Variants in DPP6 observed in about 807,000 individuals in gnomAD.
DPP6 encodes A-type potassium channel modulatory protein DPP6.
In DPP6, 69 loss-of-function variants were observed where a neutral mutation model predicts 122.6. The observed-to-expected ratio is 0.56, with a 90% confidence interval of 0.46 to 0.69. The LOEUF (loss-of-function observed/expected upper bound fraction) is 0.69. Ranked by LOEUF, DPP6 falls within the 30% of genes least tolerant of loss-of-function variation. The probability of loss-of-function intolerance (pLI) is 0.00; values close to 1 mark genes in which losing one functional copy is unlikely to be tolerated. For missense variants in DPP6, 928 were observed against 1,116.9 expected (o/e 0.83, Z 2.41); for synonymous variants, 418 against 433.1 (o/e 0.97, Z 0.43).
At chr7:154,787,396 TG>T (rs144375597) in intron 10 of DPP6, among the ~76,000 whole-genome samples, 13,301 of 152,286 alleles carry the variant, frequency 0.087, 611 homozygotes, top group South Asian at 0.12. Context: ...TGATTTGGAA[TG>T]ACATCTTTAT....
chr7:154,670,361 A>G (rs3807219), intron 7 of DPP6, among the ~76,000 whole-genome samples: 45,828 of 152,000 alleles, frequency 0.3, 7,701 homozygotes, highest in East Asian at 0.68. Context: ...CCTGAACACT[A>G]TTTCTAAGAT....
At chr7:153,861,895 G>A in the DPP6 span, among the ~76,000 whole-genome samples, 1 of 152,174 alleles carries the variant, frequency 6.6e-6, no homozygotes, top group African/African-American at 2.4e-5. Context: ...TCTTTGGGGG[G>A]AAAAAGCTGA....
At position 154,748,776 on chromosome 7, in the gene DPP6, G is replaced by A. The variant is rs147570388; in HGVS notation, c.884-20641G>A. Among the ~76,000 whole-genome samples the A allele has an allele frequency of 7.9e-3, 1,198 of 152,302 alleles. 12 individuals carry two copies. Among genetic ancestry groups the A allele is most frequent in the African/African-American group, 0.027 (1,102 of 41,568 alleles). On this transcript the variant is annotated intron_variant, in intron 8 of 25. Transcript: ENST00000377770. ...CAGCAGTGGATGCGCTGGTTGGAAC[G>A]GACGTGCCTATAACCATGACTCCCA...
intron 5 of DPP6, among the ~76,000 whole-genome samples, chr7:154,589,796 G>A (rs1035625333): frequency 6.6e-6 from 1 of 152,160 alleles, no homozygotes. Context: ...TGGCCCAGCC[G>A]AACAAGTGTT....
At chr7:154,389,638 G>T (rs544894607) in intron 1 of DPP6, among the ~76,000 whole-genome samples, 37 of 152,196 alleles carry the variant, frequency 2.4e-4, no homozygotes, top group South Asian at 4.2e-4. Context: ...ACAAAGGCAG[G>T]GTTTTTTATT....
At chr7:154,039,182 A>G (rs1799649657) in intron 1 of DPP6, among the ~76,000 whole-genome samples, 1 of 111,150 alleles carries the variant, frequency 9.0e-6, no homozygotes, top group South Asian at 3.5e-4. Context: ...AAAACCCTTC[A>G]TGGGATGAGA....
At chr7:154,199,543 A>C (rs1799055237) in intron 1 of DPP6, among the ~76,000 whole-genome samples, 1 of 152,128 alleles carries the variant, frequency 6.6e-6, no homozygotes, top group Non-Finnish European at 1.5e-5. Flanking sequence ...AAGAATTTGC[A>C]TAGAAGCCTA....
chr7:154,103,515 CG>C (rs1419830419), intron 1 of DPP6, among the ~76,000 whole-genome samples: 2 of 152,174 alleles, frequency 1.3e-5, no homozygotes, highest in African/African-American at 4.8e-5. Flanking sequence ...CTTCTGTTGC[CG>C]TGATGGTGAA....
intron 5 of DPP6, among the ~76,000 whole-genome samples, chr7:154,575,315 GGTGTGTGTATGTGT>G (rs1831510597): frequency 8.2e-6 from 1 of 122,582 alleles, no homozygotes; most frequent in Admixed American, 8.4e-5. Flanking sequence ...GTATGTGTGT[GGTGTGTGTATGTGT>G]GTGTGGTGTG....
intron 3 of DPP6, among the ~76,000 whole-genome samples, chr7:154,502,701 T>G (rs528076188): frequency 7.2e-5 from 11 of 152,318 alleles, no homozygotes; most frequent in African/African-American, 2.6e-4. Context: ...GAAAATGGAC[T>G]AATACAACTT....
chr7:154,357,226 T>C (rs990310187), intron 1 of DPP6, among the ~76,000 whole-genome samples: 6 of 150,916 alleles, frequency 4.0e-5, no homozygotes, highest in Non-Finnish European at 8.8e-5. Flanking sequence ...AAACCAAACA[T>C]GGATATGCCT....
At chr7:154,834,196 A>G (rs2316528) in intron 16 of DPP6, among the ~76,000 whole-genome samples, 122,931 of 151,596 alleles carry the variant, frequency 0.81, 50,136 homozygotes, top group East Asian at 0.99. Flanking sequence ...AGCCGGGTGC[A>G]GTGGCTCACT....
rs1460580683 is a variant in DPP6, at chr7:154,028,295, T to C, written c.51+140561T>C. On this transcript the variant is annotated intron_variant, in intron 1 of 25. Coordinates refer to the DPP6 transcript ENST00000404039. ...TGGAGACTGTATGCATCACTTTCCT[T>C]GTCTGGCCAAGGCCACAACAGCGTT... 2.6e-5 allele frequency among the ~76,000 whole-genome samples: 4 copies of C among 152,102 alleles called. No individual in the cohort carries two copies. The South Asian group carries it at 6.3e-4, about 24-fold the overall frequency.
intron 1 of DPP6, among the ~76,000 whole-genome samples, chr7:154,324,867 A>ATTTTTTTTTTTTTT (rs143944650): frequency 8.8e-6 from 1 of 113,086 alleles, no homozygotes; most frequent in Non-Finnish European, 1.7e-5. Flanking sequence ...TCCTTTTGTT[A>ATTTTTTTTTTTTTT]TTTTTTTTTT....
Position 154,331,848 on chromosome 7 carries a change from C to T in DPP6, c.244-114366C>T, listed in dbSNP as rs572121021. Among the ~76,000 whole-genome samples the T allele has an allele frequency of 2.6e-5, 4 of 152,276 alleles. No individual in the cohort carries two copies. In the East Asian group the frequency reaches 7.8e-4, roughly 30 times the overall value. On this transcript the variant is annotated intron_variant, in intron 1 of 25. Coordinates refer to ENST00000377770, the MANE Select transcript of DPP6 (RefSeq NM_130797.4). ...CTGTGACTTTCCCAAAATACAGTTA[C>T]TATACATGCACTAGCAAATCCCAGG...
intron 1 of DPP6, among the ~76,000 whole-genome samples, chr7:154,199,932 A>G (rs1799081395): frequency 6.6e-6 from 1 of 152,116 alleles, no homozygotes; most frequent in African/African-American, 2.4e-5. Context: ...AAAACAAATA[A>G]CAACAAAAAA....
At chr7:153,950,978 A>G (rs1005742215) in intron 1 of DPP6, among the ~76,000 whole-genome samples, 1 of 152,210 alleles carries the variant, frequency 6.6e-6, no homozygotes, top group African/African-American at 2.4e-5. Context: ...GCCAACACCT[A>G]GGTGAGCAGA....
At chr7:154,598,934 G>A (rs7780382) in intron 5 of DPP6, among the ~76,000 whole-genome samples, 26,207 of 152,098 alleles carry the variant, frequency 0.17, 4,142 homozygotes, top group African/African-American at 0.43. Context: ...GTGTTCCCAT[G>A]GACCTTGGGT....
At chr7:154,526,893 A>G (rs1827450795) in intron 3 of DPP6, among the ~76,000 whole-genome samples, 1 of 152,162 alleles carries the variant, frequency 6.6e-6, no homozygotes, top group Admixed American at 6.5e-5. Flanking sequence ...TCAGAATTGG[A>G]GCTTGTGGCC....
Sources: gnomAD v4.1 joint callset for allele counts (sites outside exome capture counted in the v4.1 genomes callset) on GRCh38, gnomAD v4.1.1 for gene constraint, MANE v1.5 for transcripts, NCBI Gene and HGNC (gene_info 2026-07-23, HGNC 2026-07-21) for gene names.